Variants in SMC2 observed in about 807,000 individuals in gnomAD.
SMC2 encodes structural maintenance of chromosomes protein 2.
Under a neutral mutation model 142.6 loss-of-function variants are expected in SMC2, and 41 were observed. The observed-to-expected ratio is 0.29, with a 90% CI of 0.22 to 0.37. SMC2 has a LOEUF of 0.37. Ranked by LOEUF, SMC2 falls within the 10% of genes least tolerant of loss-of-function variation. The pLI is 1.00. For missense variants in SMC2, 1,265 were observed against 1,373.7 expected (o/e 0.92, Z 1.25); for synonymous variants, 463 against 457.5 (o/e 1.01, Z -0.15).
intron 17 of SMC2, among the ~76,000 whole-genome samples, chr9:104,124,687 A>G (rs1834079888): frequency 6.6e-6 from 1 of 151,566 alleles, no homozygotes; most frequent in South Asian, 2.1e-4. Flanking sequence ...GTAAAGTTCA[A>G]TTTCATAGCA....
At chr9:104,098,025 G>C (rs1245833803) in intron 3 of SMC2, among the ~76,000 whole-genome samples, 3 of 152,134 alleles carry the variant, frequency 2.0e-5, no homozygotes, top group Non-Finnish European at 4.4e-5. Context: ...TTTATTAATA[G>C]CTTTTTGAAT....
chr9:104,130,589 T>C (rs201358257), intron 21 of SMC2, among the ~76,000 whole-genome samples: 8,609 of 152,038 alleles, frequency 0.057, 648 homozygotes, highest in African/African-American at 0.18. Context: ...TTTACCATAA[T>C]TTTTTTTAAC....
upstream of SMC2, among the ~76,000 whole-genome samples, chr9:104,091,824 T>G (rs1467747827): frequency 2.0e-5 from 3 of 149,242 alleles, no homozygotes; most frequent in Non-Finnish European, 3.0e-5. Flanking sequence ...ATATTTCTCC[T>G]AGGTCTTGCT....
intron 16 of SMC2, among the ~76,000 whole-genome samples, chr9:104,120,465 C>T (rs935053128): frequency 6.6e-6 from 1 of 152,132 alleles, no homozygotes; most frequent in East Asian, 1.9e-4. Context: ...CTGGGGAAAC[C>T]CTTCGACACT....
In SMC2 at chr9:104,125,125, A is replaced by G. The variant is rs888574017; in HGVS notation, c.2451+20A>G. 11 of 1,540,218 alleles carry G rather than the reference A, an allele frequency of 7.1e-6. No individual in the cohort carries two copies. The highest frequency in any genetic ancestry group is 9.6e-6 in the Non-Finnish European group (11 of 1,143,630). ...CAACAGGTAATAACTTCTTTTTGAAATTGAACCAACCTTTTAAAGTCAACA... is the reference window on the plus strand; with the variant it reads ...CAACAGGTAATAACTTCTTTTTGAAGTTGAACCAACCTTTTAAAGTCAACA... On this transcript the variant is annotated intron_variant, in intron 18 of 24. Transcript: ENST00000374793.
At chr9:104,090,826 T>C (rs1261072337), upstream of SMC2, among the ~76,000 whole-genome samples, 1 of 110,790 alleles carries the variant, frequency 9.0e-6, no homozygotes, top group Admixed American at 8.1e-5. Flanking sequence ...ACTGAAAAGC[T>C]AAAAATAACA....
rs201941011 is a variant in SMC2, at chr9:104,120,264, A to AT, written c.2132+107dup. ...AAATACAGCTTCTGACTTTTCTCAT[A>AT]TTTTTGGTTTTATTTAAAATGTTTG... On this transcript the variant is annotated intron_variant, in intron 16 of 24. Coordinates refer to ENST00000374793, the MANE Select transcript of SMC2 (RefSeq NM_006444.3). The AT allele has an allele frequency of 1.9e-3, 2,132 of 1,138,140 alleles. 40 individuals are homozygous for AT. In the African/African-American group the frequency reaches 0.031, roughly 17 times the overall value. 70.5% of individuals were successfully genotyped at this position (1,138,140 alleles called of 1,614,324 possible).
rs114607116 is a variant in SMC2, at chr9:104,097,980, A to T, written c.319-466A>T. ...AATGAAACCATACTGAAGCTCCATGATTACCCTTTCTTTTAAATGGTCATA... is the reference window on the plus strand; with the variant it reads ...AATGAAACCATACTGAAGCTCCATGTTTACCCTTTCTTTTAAATGGTCATA... On this transcript the variant is annotated intron_variant, in intron 3 of 24. Coordinates refer to ENST00000374793, the MANE Select transcript of SMC2 (RefSeq NM_006444.3). Among the ~76,000 whole-genome samples, 389 of 152,300 alleles carry T rather than the reference A, an allele frequency of 2.6e-3. 3 individuals carry two copies. The highest frequency in any genetic ancestry group is 8.8e-3 in the African/African-American group (365 of 41,556).
intron 9 of SMC2, among the ~76,000 whole-genome samples, chr9:104,108,059 G>A (rs1267231214): frequency 1.3e-5 from 2 of 152,150 alleles, no homozygotes; most frequent in African/African-American, 2.4e-5. Context: ...TCCGTACTCA[G>A]TGGTGGGAAC....
chr9:104,097,251 C>A (rs183446737), intron 3 of SMC2, among the ~76,000 whole-genome samples: 2 of 150,680 alleles, frequency 1.3e-5, no homozygotes, highest in African/African-American at 4.9e-5. Flanking sequence ...TGCCCACCAC[C>A]ACACCCGGCT....
chr9:104,096,073 A>G lies in SMC2; in HGVS notation c.169-75A>G, dbSNP rs558097093. The G allele has an allele frequency of 1.5e-5, 21 of 1,399,964 alleles. No homozygotes were observed. In the East Asian group the frequency reaches 4.6e-4, roughly 30 times the overall value. 86.7% of individuals were successfully genotyped at this position (1,399,964 alleles called of 1,614,324 possible). ...CTACGTTGGTGGGTTTTCCAACAGC[A>G]AGGGACCCATTTTTAGTGCTGCTTT... On this transcript the variant is annotated intron_variant, in intron 2 of 24. Transcript: ENST00000374793.
rs775580043 is a variant in SMC2 at position 104,127,441 on chromosome 9, C to T, written c.2751C>T (p.Ile917=). The T allele has an allele frequency of 1.9e-6, 3 of 1,612,428 alleles. No individual in the cohort carries two copies. Among genetic ancestry groups the T allele is most frequent in the Non-Finnish European group, 2.5e-6 (3 of 1,179,208 alleles). Residue 917 remains isoleucine, a synonymous_variant, in exon 20 of 25, where the codon ATC becomes ATT. Transcript: ENST00000374793. ...QLKIKELDHN[I]SKHKREAEDG... ...AAATTAAGGAATTAGACCACAACATCAGCAAACATAAACGGGAGGCTGAAG... is the reference window on the plus strand; with the variant it reads ...AAATTAAGGAATTAGACCACAACATTAGCAAACATAAACGGGAGGCTGAAG...
chr9:104,103,515 G>A (rs1231780378), intron 9 of SMC2, among the ~76,000 whole-genome samples: 2 of 152,170 alleles, frequency 1.3e-5, no homozygotes, highest in East Asian at 3.9e-4. Flanking sequence ...TGGGAGAGTT[G>A]TTAAAATAGG....
intron 9 of SMC2, among the ~76,000 whole-genome samples, chr9:104,106,823 A>G (rs983891229): frequency 6.6e-6 from 1 of 152,162 alleles, no homozygotes; most frequent in East Asian, 1.9e-4. Flanking sequence ...GACCAAATGG[A>G]CATCACCACT....
At chr9:104,134,390 T>C (rs747651181) in intron 22 of SMC2, 25 bp from the exon 23 acceptor site, 4 of 1,552,474 alleles carry the variant, frequency 2.6e-6, no homozygotes, top group South Asian at 1.2e-5. Context: ...CCTGATGTTT[T>C]AACTTTTTTA....
intron 21 of SMC2, among the ~76,000 whole-genome samples, chr9:104,130,212 A>G (rs1834793012): frequency 6.6e-6 from 1 of 152,208 alleles, no homozygotes; most frequent in Non-Finnish European, 1.5e-5. Context: ...GACTAAAGCC[A>G]TTATACACAT....
In SMC2 at chr9:104,136,977, G is replaced by A. The variant is rs149125177; in HGVS notation, c.3270-1041G>A. On this transcript the variant is annotated intron_variant, in intron 23 of 24. Coordinates refer to ENST00000374793, the MANE Select transcript of SMC2 (RefSeq NM_006444.3). ...AGCCTGGCCAACATGGTGAAATCCTGTCTCAACTAAAACTACAAAAATTAG... is the reference window on the plus strand; with the variant it reads ...AGCCTGGCCAACATGGTGAAATCCTATCTCAACTAAAACTACAAAAATTAG... 3.7e-3 allele frequency among the ~76,000 whole-genome samples: 565 copies of A among 152,110 alleles called. 4 individuals are homozygous for A. The highest frequency in any genetic ancestry group is 0.012 in the African/African-American group (511 of 41,534).
rs1457301187 is a variant in SMC2, at chr9:104,140,865, TA to T, written c.*1551del. The T allele has an allele frequency of 6.6e-6, 1 of 152,244 alleles. No individual in the cohort carries two copies. Among genetic ancestry groups the T allele is most frequent in the African/African-American group, 2.4e-5 (1 of 41,462 alleles). 9.4% of individuals were successfully genotyped at this position (152,244 alleles called of 1,614,324 possible). A position where few individuals can be genotyped will look rare whatever the true frequency, so the allele number is the denominator to read the frequency against. On this transcript the variant is annotated 3_prime_UTR_variant, in exon 25 of 25. Transcript: ENST00000374793. ...TAATATTTCTGATTTAACAGTTAGTTATTAAGTGGTACTTCATTGCTGTTTT... is the reference window on the plus strand; with the variant it reads ...TAATATTTCTGATTTAACAGTTAGTTTTAAGTGGTACTTCATTGCTGTTTT...
intron 9 of SMC2, among the ~76,000 whole-genome samples, chr9:104,104,519 A>G (rs575947313): frequency 3.3e-5 from 5 of 151,942 alleles, no homozygotes; most frequent in Non-Finnish European, 7.4e-5. Context: ...AAGCATTGAG[A>G]TTATGTTTTA....
Sources: allele counts gnomAD v4.1 joint callset (sites outside exome capture counted in the v4.1 genomes callset), GRCh38; gene constraint gnomAD v4.1.1; transcripts MANE v1.5; gene names NCBI Gene and HGNC (gene_info 2026-07-23, HGNC 2026-07-21).